LRPPRC: variants seen among roughly 807,000 people sequenced by gnomAD.
LRPPRC encodes leucine rich pentatricopeptide repeat containing, also known as leucine-rich PPR motif-containing protein, mitochondrial.
LRPPRC carries 120 observed loss-of-function variants against 180.3 expected under a neutral mutation model. That is an observed-to-expected ratio of 0.67 (90% CI 0.57 to 0.77). The LOEUF (loss-of-function observed/expected upper bound fraction) is 0.77, where lower values mean the gene tolerates loss of function less well. Ranked by LOEUF, LRPPRC falls within the 30% of genes least tolerant of loss-of-function variation. The pLI, the probability that LRPPRC is intolerant of heterozygous loss-of-function variation, is 0.00. For missense variants in LRPPRC, 2,012 were observed against 1,657.2 expected (o/e 1.21, Z -3.72); for synonymous variants, 723 against 600.0 (o/e 1.21, Z -3.00).
intron 36 of LRPPRC, among the ~76,000 whole-genome samples, chr2:43,891,522 C>G (rs1056955976): frequency 1.3e-5 from 2 of 152,132 alleles, no homozygotes; most frequent in African/African-American, 4.8e-5. Flanking sequence ...TTACGGTGAT[C>G]TGTGACCAGT....
chr2:43,927,100 TC>T (rs1671907067), intron 25 of LRPPRC, among the ~76,000 whole-genome samples: 4 of 152,214 alleles, frequency 2.6e-5, no homozygotes, highest in African/African-American at 9.6e-5. Flanking sequence ...ATTTTCATCA[TC>T]TGCAAGAGGG....
intron 36 of LRPPRC, among the ~76,000 whole-genome samples, chr2:43,891,419 A>AT (rs972299616): frequency 4.6e-5 from 7 of 152,054 alleles, no homozygotes; most frequent in African/African-American, 1.7e-4. Flanking sequence ...TATCAATGCC[A>AT]TTTTTCCAAC....
intron 23 of LRPPRC, among the ~76,000 whole-genome samples, chr2:43,940,447 C>T (rs1419643220): frequency 6.6e-6 from 1 of 152,060 alleles, no homozygotes; most frequent in Non-Finnish European, 1.5e-5. Context: ...GAAATTGTGA[C>T]CTTTATGAAC....
intron 1 of LRPPRC, among the ~76,000 whole-genome samples, chr2:43,986,682 G>T (rs1380839267): frequency 6.6e-6 from 1 of 152,128 alleles, no homozygotes; most frequent in Non-Finnish European, 1.5e-5. Flanking sequence ...ATAGGGCCAG[G>T]GTTAGCACTC....
chr2:43,952,919 A>C (rs1249100301), intron 14 of LRPPRC, among the ~76,000 whole-genome samples: 1 of 152,182 alleles, frequency 6.6e-6, no homozygotes, highest in Non-Finnish European at 1.5e-5. Context: ...CAATGGCTCG[A>C]AGCCATGTGA....
chr2:43,958,008 T>C (rs190022585), intron 13 of LRPPRC, among the ~76,000 whole-genome samples: 19 of 152,376 alleles, frequency 1.2e-4, no homozygotes, highest in Admixed American at 5.9e-4. Flanking sequence ...TTGACTTATA[T>C]TGATCTTTCA....
intron 23 of LRPPRC, among the ~76,000 whole-genome samples, chr2:43,939,307 A>C (rs534736828): frequency 2.2e-4 from 33 of 146,714 alleles, no homozygotes; most frequent in African/African-American, 6.9e-4. Flanking sequence ...ATAAAAATAA[A>C]AACAACAACA....
intron 1 of LRPPRC, among the ~76,000 whole-genome samples, chr2:43,983,298 T>G (rs1394813675): frequency 6.6e-6 from 1 of 151,410 alleles, no homozygotes; most frequent in East Asian, 1.9e-4. Context: ...GGCTGTACCT[T>G]TTTTTAAAAT....
rs1394324745 is a variant in LRPPRC at position 43,943,796 on chromosome 2, T to G, written c.2395A>C (p.Arg799=). Reference sequence around the variant, plus strand: ...TGTTTTACTGTTTCAATTTCACCTCTTAAAGCTGCGCCATTTAGCATGTGG... The same window carrying G: ...TGTTTTACTGTTTCAATTTCACCTCGTAAAGCTGCGCCATTTAGCATGTGG... ...FFHMLNGAAL[R]GEIETVKQLH... is the part of the protein sequence containing the mutation. Residue 799 remains arginine, a synonymous_variant, in exon 23 of 38, where the codon AGA becomes CGA. Transcript: ENST00000260665. 1.9e-6 allele frequency: 3 copies of G among 1,613,436 alleles called. No homozygotes were observed. In the African/African-American group the frequency reaches 4.0e-5, roughly 22 times the overall value.
Position 43,949,771 on chromosome 2 carries a change from T to C in LRPPRC, c.1678-112A>G. On this transcript the variant is annotated intron_variant, in intron 15 of 37. Transcript: ENST00000260665. Reference sequence around the variant, plus strand: ...ACCTCTCCCCAGTAAGGTACTATTCTATTTCACAGTAATTCAAAACCACCC... The same window carrying C: ...ACCTCTCCCCAGTAAGGTACTATTCCATTTCACAGTAATTCAAAACCACCC... 3 of 750,282 alleles carry C rather than the reference T, an allele frequency of 4.0e-6. No homozygotes were observed. In the South Asian group the frequency reaches 4.5e-5, roughly 11 times the overall value. The allele number at this position is 750,282 out of a possible 1,614,324, so 46.5% of individuals were successfully genotyped here. A position where few individuals can be genotyped will look rare whatever the true frequency, so the allele number is the denominator to read the frequency against.
rs551895176 is a variant in LRPPRC at position 43,971,078 on chromosome 2, C to A, written c.1369+2529G>T. 4.2e-4 allele frequency among the ~76,000 whole-genome samples: 62 copies of A among 146,510 alleles called. No individual in the cohort carries two copies. The Middle Eastern group carries it at 0.014, about 33-fold the overall frequency. On this transcript the variant is annotated intron_variant, in intron 11 of 37. Coordinates refer to ENST00000260665, the MANE Select transcript of LRPPRC (RefSeq NM_133259.4). ...TAGTGCCATTGCACTCCAGCCTAGA[C>A]AACAAGAGCGAAACTGTGTCAAAAA... is the stretch of plus-strand genomic sequence containing the variant.
chr2:43,963,095 G>C (rs537545397), intron 12 of LRPPRC, among the ~76,000 whole-genome samples: 2 of 152,186 alleles, frequency 1.3e-5, no homozygotes, highest in South Asian at 4.1e-4. Context: ...TTTGAGTTTT[G>C]AAAGTTTAAC....
intron 31 of LRPPRC, chr2:43,901,803 T>C (rs1360809724): frequency 1.6e-5 from 6 of 380,470 alleles, no homozygotes; most frequent in Admixed American, 4.2e-5. Context: ...AGGGATAACA[T>C]TCAGTGACTA....
chr2:43,912,660 C>T (rs1671307443), intron 29 of LRPPRC, 102 bp from the exon 30 acceptor site: 4 of 865,064 alleles, frequency 4.6e-6, no homozygotes, highest in African/African-American at 1.7e-5. Context: ...AATATTTTTG[C>T]TTTTTAATAC....
intron 22 of LRPPRC, among the ~76,000 whole-genome samples, chr2:43,944,847 T>C (rs967619531): frequency 6.6e-6 from 1 of 152,062 alleles, no homozygotes; most frequent in Admixed American, 6.6e-5. Flanking sequence ...AACCATTAAA[T>C]AAAAACCTTA....
chr2:43,957,899 A>G (rs560376603), intron 13 of LRPPRC, among the ~76,000 whole-genome samples: 3 of 152,332 alleles, frequency 2.0e-5, no homozygotes, highest in African/African-American at 7.2e-5. Context: ...AACCATTCAT[A>G]CTTTCTCATT....
intron 13 of LRPPRC, among the ~76,000 whole-genome samples, chr2:43,959,944 C>A (rs1673271010): frequency 6.6e-6 from 1 of 152,102 alleles, no homozygotes; most frequent in African/African-American, 2.4e-5. Flanking sequence ...AAGCTAAAGT[C>A]TGAACATCTT....
chr2:43,918,238 T>A lies in LRPPRC; in HGVS notation c.3039+18A>T, dbSNP rs1214117224. 6.2e-7 allele frequency: 1 copy of A among 1,612,406 alleles called. No homozygotes were observed. Reference sequence around the variant, plus strand: ...TACTGACAACAAAATCTGTTACGATTATGCCAAAAACAATTACCTCAGGTA... The same window carrying A: ...TACTGACAACAAAATCTGTTACGATAATGCCAAAAACAATTACCTCAGGTA... On this transcript the variant is annotated intron_variant, in intron 28 of 37. Coordinates refer to ENST00000260665, the MANE Select transcript of LRPPRC (RefSeq NM_133259.4).
At chr2:43,934,502 C>A (rs1475148109) in intron 24 of LRPPRC, among the ~76,000 whole-genome samples, 1 of 151,692 alleles carries the variant, frequency 6.6e-6, no homozygotes, top group Non-Finnish European at 1.5e-5. Flanking sequence ...TAAAAAAAAT[C>A]TTCATAAAGG....
Sources: allele counts gnomAD v4.1 joint callset (sites outside exome capture counted in the v4.1 genomes callset), GRCh38; gene constraint gnomAD v4.1.1; transcripts MANE v1.5; gene names NCBI Gene and HGNC (gene_info 2026-07-23, HGNC 2026-07-21).